The following FBXO36 variants were observed in gnomAD, a reference collection of about 807,000 sequenced individuals.
The protein encoded by FBXO36 is F-box protein 36, also known as F-box only protein 36.
FBXO36 carries 18 observed loss-of-function variants against 17.0 expected under a neutral mutation model. The observed-to-expected ratio is 1.06, with a 90% confidence interval of 0.73 to 1.57. FBXO36 has a LOEUF of 1.57. Ranked by LOEUF, FBXO36 falls within the 40% of genes most tolerant of loss-of-function variation. The pLI is 0.00. For missense variants in FBXO36, 229 were observed against 221.9 expected (o/e 1.03, Z -0.20); for synonymous variants, 83 against 85.3 (o/e 0.97, Z 0.15).
chr2:229,959,216 G>C (rs368593846), intron 1 of FBXO36, among the ~76,000 whole-genome samples: 1 of 151,950 alleles, frequency 6.6e-6, no homozygotes, highest in Admixed American at 6.6e-5. Flanking sequence ...GTGGAATCTT[G>C]CTATTTTGCC....
At chr2:229,938,234 T>TG (rs1482478466) in intron 1 of FBXO36, among the ~76,000 whole-genome samples, 3 of 144,066 alleles carry the variant, frequency 2.1e-5, no homozygotes, top group African/African-American at 7.8e-5. Flanking sequence ...TTTTTTTTTT[T>TG]TTTTGAGGAG....
Position 229,949,653 on chromosome 2 carries a change from T to C in FBXO36, c.97-26588T>C, listed in dbSNP as rs141164301. ...ATATTCCAATATTCTTTGCCAGGCA[T>C]GGTGGCTCACACCTGTAATCCCAGC... is the stretch of plus-strand genomic sequence containing the variant. On this transcript the variant is annotated intron_variant, in intron 1 of 3. Coordinates refer to ENST00000283946, the MANE Select transcript of FBXO36 (RefSeq NM_174899.5). 1.2e-3 allele frequency among the ~76,000 whole-genome samples: 182 copies of C among 152,046 alleles called. 2 individuals are homozygous for C. The East Asian group carries it at 0.017, about 15-fold the overall frequency.
At chr2:229,952,095 A>T (rs1352812198) in intron 1 of FBXO36, among the ~76,000 whole-genome samples, 1 of 151,980 alleles carries the variant, frequency 6.6e-6, no homozygotes, top group Admixed American at 6.6e-5. Flanking sequence ...ACTGTATCTA[A>T]TTTTTTTTAG....
In FBXO36 at chr2:230,001,830, T is replaced by A. The variant is rs1226893744; in HGVS notation, c.378+4907T>A. Reference sequence around the variant, plus strand: ...TGTTTGTTATTGTTACTATTATTGTTTTTTTAAGAGACAAAGTCACTCCAT... The same window carrying A: ...TGTTTGTTATTGTTACTATTATTGTATTTTTAAGAGACAAAGTCACTCCAT... On this transcript the variant is annotated intron_variant, in intron 3 of 3. Transcript: ENST00000283946. Among the ~76,000 whole-genome samples, 2 of 151,982 alleles carry A rather than the reference T, an allele frequency of 1.3e-5. 1 individual carries two copies. The highest frequency in any genetic ancestry group is 2.9e-5 in the Non-Finnish European group (2 of 68,014).
chr2:229,939,424 T>G (rs2076985395), intron 1 of FBXO36, among the ~76,000 whole-genome samples: 1 of 151,088 alleles, frequency 6.6e-6, no homozygotes, highest in Non-Finnish European at 1.5e-5. Flanking sequence ...GCCAGCACGG[T>G]GAAACCCCAT....
intron 3 of FBXO36, among the ~76,000 whole-genome samples, chr2:230,002,408 G>C (rs1253019447): frequency 2.0e-5 from 3 of 150,538 alleles, no homozygotes; most frequent in Non-Finnish European, 1.5e-5. Flanking sequence ...TTTTGAGACA[G>C]GGTCTTGCTT....
intron 2 of FBXO36, among the ~76,000 whole-genome samples, chr2:229,992,154 C>T (rs1038875331): frequency 2.0e-5 from 3 of 151,512 alleles, no homozygotes; most frequent in African/African-American, 4.8e-5. Context: ...GCATTTTTTT[C>T]TCATTTAATC....
At chr2:229,989,466 A>C (rs930983328) in intron 2 of FBXO36, among the ~76,000 whole-genome samples, 3 of 152,084 alleles carry the variant, frequency 2.0e-5, no homozygotes, top group African/African-American at 7.2e-5. Flanking sequence ...CATGTTGGTC[A>C]GGCTGATCTT....
At chr2:229,982,417 TCTGA>T (rs2077245195) in intron 2 of FBXO36, among the ~76,000 whole-genome samples, 1 of 152,102 alleles carries the variant, frequency 6.6e-6, no homozygotes, top group African/African-American at 2.4e-5. Context: ...TGTCTCCTTC[TCTGA>T]CTATGACTCT....
intron 1 of FBXO36, among the ~76,000 whole-genome samples, chr2:229,923,847 G>GTTTTTTTTTTTTTTTTTTTTTT (rs71045800): frequency 1.3e-5 from 1 of 77,710 alleles, no homozygotes; most frequent in Non-Finnish European, 2.3e-5. Flanking sequence ...TTTTGGTGTT[G>GTTTTTTTTTTTTTTTTTTTTTT]TTTTTTTTTT....
At chr2:229,937,487 C>T (rs530811123) in intron 1 of FBXO36, among the ~76,000 whole-genome samples, 2 of 152,162 alleles carry the variant, frequency 1.3e-5, no homozygotes, top group African/African-American at 4.8e-5. Flanking sequence ...AAGAGCAAAA[C>T]TCCGTTTCAA....
Position 229,988,850 on chromosome 2 carries a change from T to G in FBXO36, c.206-7901T>G, listed in dbSNP as rs533050623. On this transcript the variant is annotated intron_variant, in intron 2 of 3. Transcript: ENST00000283946. ...CCTGTTTTTTTTTTTTTTTGTTTTT[T>G]TTTTTTTACCGCATAGTATTTATGC... is the stretch of plus-strand genomic sequence containing the variant. Among the ~76,000 whole-genome samples, 878 of 150,838 alleles carry G rather than the reference T, an allele frequency of 5.8e-3. 6 individuals carry two copies. Among genetic ancestry groups the G allele is most frequent in the African/African-American group, 0.018 (756 of 41,168 alleles).
rs2077271920 is a variant in FBXO36 at position 229,987,055 on chromosome 2, T to G, written c.206-9696T>G. On this transcript the variant is annotated intron_variant, in intron 2 of 3. Coordinates refer to ENST00000283946, the MANE Select transcript of FBXO36 (RefSeq NM_174899.5). Reference sequence around the variant, plus strand: ...CCAACATGGTGAGACCCATCTCTACTAAAAATATAAAAAAATTAGCCAGGC... The same window carrying G: ...CCAACATGGTGAGACCCATCTCTACGAAAAATATAAAAAAATTAGCCAGGC... 2.6e-5 allele frequency among the ~76,000 whole-genome samples: 4 copies of G among 151,232 alleles called. No homozygotes were observed. The South Asian group carries it at 8.4e-4, about 32-fold the overall frequency.
chr2:229,979,373 A>G (rs928005762), intron 2 of FBXO36, among the ~76,000 whole-genome samples: 6 of 151,420 alleles, frequency 4.0e-5, no homozygotes, highest in Non-Finnish European at 7.4e-5. Flanking sequence ...TATGTATGTG[A>G]TAGTTTTGTT....
chr2:229,946,778 T>C (rs2077029311), intron 1 of FBXO36, among the ~76,000 whole-genome samples: 1 of 152,232 alleles, frequency 6.6e-6, no homozygotes, highest in African/African-American at 2.4e-5. Context: ...CACATGGTCA[T>C]GAATCCAGCT....
intron 1 of FBXO36, chr2:229,943,136 C>G (rs1320487643): frequency 2.0e-5 from 3 of 152,304 alleles, no homozygotes; most frequent in Non-Finnish European, 4.4e-5. Context: ...GTCATGCTGT[C>G]AGCACCAGAG....
intron 3 of FBXO36, among the ~76,000 whole-genome samples, chr2:230,000,607 G>A (rs994492416): frequency 4.0e-5 from 6 of 151,888 alleles, no homozygotes; most frequent in Non-Finnish European, 7.4e-5. Context: ...TATTTCTCAC[G>A]CTGAGCGGCT....
intron 2 of FBXO36, among the ~76,000 whole-genome samples, chr2:229,995,592 C>CTTTTTTTTTTTTTT (rs748422157): frequency 9.6e-5 from 11 of 114,550 alleles, no homozygotes; most frequent in South Asian, 2.8e-4. Flanking sequence ...CTCTTTCTTT[C>CTTTTTTTTTTTTTT]TTTCTTTTTT....
chr2:229,944,461 CAAAT>C (rs550074967), intron 1 of FBXO36, among the ~76,000 whole-genome samples: 14 of 152,020 alleles, frequency 9.2e-5, no homozygotes, highest in Non-Finnish European at 1.8e-4. Flanking sequence ...ATGAGAAAAT[CAAAT>C]GAATGGCTTA....
Sources: allele counts gnomAD v4.1 joint callset (sites outside exome capture counted in the v4.1 genomes callset), GRCh38; gene constraint gnomAD v4.1.1; transcripts MANE v1.5; gene names NCBI Gene and HGNC (gene_info 2026-07-23, HGNC 2026-07-21).